ARID5B: variants seen among roughly 807,000 people sequenced by gnomAD.
The protein encoded by ARID5B is AT-rich interaction domain 5B.
ARID5B carries 13 observed loss-of-function variants against 97.2 expected under a neutral mutation model. That is an observed-to-expected ratio of 0.13 (90% CI 0.09 to 0.21). The LOEUF (loss-of-function observed/expected upper bound fraction) is 0.21, where lower values mean the gene tolerates loss of function less well. ARID5B is among the 10% of genes least tolerant of loss of function. ARID5B has a pLI of 1.00. For synonymous variants in ARID5B, 556 were observed against 570.3 expected, an observed-to-expected ratio of 0.97 and a Z score of 0.36; for missense variants, 1,210 against 1,465.3, an observed-to-expected ratio of 0.83 and a Z score of 2.84.
At chr10:62,026,243 A>T (rs1839419532) in intron 4 of ARID5B, among the ~76,000 whole-genome samples, 1 of 152,248 alleles carries the variant, frequency 6.6e-6, no homozygotes, top group Non-Finnish European at 1.5e-5. Context: ...CTCTTCCATC[A>T]TCCTGAGAGC....
intron 8 of ARID5B, among the ~76,000 whole-genome samples, chr10:62,083,567 G>T (rs1277189808): frequency 6.6e-6 from 1 of 152,112 alleles, no homozygotes. Flanking sequence ...GTCCCTCGTG[G>T]TGTCACCATC....
intron 2 of ARID5B, among the ~76,000 whole-genome samples, chr10:61,916,893 G>C (rs973204129): frequency 3.3e-5 from 5 of 152,182 alleles, no homozygotes; most frequent in African/African-American, 1.2e-4. Flanking sequence ...ACAGGTGTAA[G>C]TGCCCTCTGG....
intron 7 of ARID5B, among the ~76,000 whole-genome samples, chr10:62,064,461 T>C (rs1002816733): frequency 2.0e-5 from 3 of 152,240 alleles, no homozygotes; most frequent in African/African-American, 7.2e-5. Context: ...AGTTTAAGTC[T>C]GAAAGATTTC....
chr10:61,904,105 C>G (rs986373444), intron 2 of ARID5B, among the ~76,000 whole-genome samples: 2 of 149,826 alleles, frequency 1.3e-5, no homozygotes, highest in Non-Finnish European at 3.0e-5. Flanking sequence ...CCCTCTCCCC[C>G]TCCTGATTTC....
At chr10:61,930,281 T>G (rs1313419848) in intron 2 of ARID5B, among the ~76,000 whole-genome samples, 2 of 152,228 alleles carry the variant, frequency 1.3e-5, no homozygotes, top group Non-Finnish European at 2.9e-5. Context: ...CTCTTGCATA[T>G]GTACACATCT....
At chr10:61,950,955 T>C (rs182009914) in intron 3 of ARID5B, among the ~76,000 whole-genome samples, 49 of 152,344 alleles carry the variant, frequency 3.2e-4, no homozygotes, top group African/African-American at 1.1e-3. Flanking sequence ...TGTGAGCAGG[T>C]ATCTGATTTG....
chr10:62,032,475 TG>T (rs763499589), intron 4 of ARID5B, among the ~76,000 whole-genome samples: 13 of 152,194 alleles, frequency 8.5e-5, no homozygotes, highest in Non-Finnish European at 1.5e-4. Flanking sequence ...TCCAGCATTT[TG>T]GGAGGCTGAG....
At chr10:61,998,309 A>G (rs892414059) in intron 3 of ARID5B, among the ~76,000 whole-genome samples, 2 of 152,200 alleles carry the variant, frequency 1.3e-5, no homozygotes, top group Admixed American at 6.5e-5. Flanking sequence ...TAATGTCGGT[A>G]TCCTTAACAA....
chr10:62,028,799 A>G (rs1839455566), intron 4 of ARID5B, among the ~76,000 whole-genome samples: 1 of 152,064 alleles, frequency 6.6e-6, no homozygotes, highest in South Asian at 2.1e-4. Flanking sequence ...TGTCTCTACT[A>G]AAAATACAAA....
At chr10:62,036,056 C>G (rs1839559641) in intron 4 of ARID5B, among the ~76,000 whole-genome samples, 1 of 151,998 alleles carries the variant, frequency 6.6e-6, no homozygotes, top group Non-Finnish European at 1.5e-5. Flanking sequence ...AACTCCTGAC[C>G]TGAGGTGATC....
chr10:61,916,144 C>T (rs531511797), intron 2 of ARID5B, among the ~76,000 whole-genome samples: 2 of 152,340 alleles, frequency 1.3e-5, no homozygotes, highest in Admixed American at 6.5e-5. Context: ...ACCTCTGTTG[C>T]CCAGGTTCAA....
chr10:61,954,509 TA>T (rs1346176512), intron 3 of ARID5B, among the ~76,000 whole-genome samples: 8 of 152,356 alleles, frequency 5.3e-5, no homozygotes, highest in African/African-American at 1.9e-4. Flanking sequence ...GCTAGTTGGC[TA>T]GAAAATTTCG....
At chr10:61,930,812 G>A (rs754977270) in intron 2 of ARID5B, among the ~76,000 whole-genome samples, 1 of 152,082 alleles carries the variant, frequency 6.6e-6, no homozygotes, top group Non-Finnish European at 1.5e-5. Context: ...GTGTGAAAAG[G>A]TATCATCTAT....
intron 4 of ARID5B, among the ~76,000 whole-genome samples, chr10:62,042,015 G>A (rs1017602030): frequency 4.6e-5 from 7 of 152,128 alleles, no homozygotes; most frequent in Non-Finnish European, 1.0e-4. Flanking sequence ...AACTCTCTTT[G>A]TTTAAGAGGT....
intron 3 of ARID5B, among the ~76,000 whole-genome samples, chr10:61,952,149 T>A (rs1838332219): frequency 6.6e-6 from 1 of 152,202 alleles, no homozygotes; most frequent in Admixed American, 6.5e-5. Flanking sequence ...CTAGTCTAAC[T>A]GCCTGGTTTT....
intron 2 of ARID5B, among the ~76,000 whole-genome samples, chr10:61,908,799 C>CAAAAAAAAAAAAA (rs369792859): frequency 2.0e-4 from 10 of 50,978 alleles, no homozygotes; most frequent in Admixed American, 2.6e-4. Context: ...GACTCCATCT[C>CAAAAAAAAAAAAA]AAAAAAAAAA....
intron 3 of ARID5B, among the ~76,000 whole-genome samples, chr10:61,943,267 A>T (rs548704586): frequency 6.6e-6 from 1 of 152,196 alleles, no homozygotes; most frequent in African/African-American, 2.4e-5. Flanking sequence ...CTCTTCTATA[A>T]CATCAAAATA....
intron 3 of ARID5B, among the ~76,000 whole-genome samples, chr10:61,948,055 C>G (rs1207316018): frequency 6.6e-6 from 1 of 152,104 alleles, no homozygotes; most frequent in East Asian, 1.9e-4. Flanking sequence ...GGAATTTATT[C>G]CTACTTTTCC....
At position 62,093,649 on chromosome 10, in the gene ARID5B, GTCTTTT is replaced by G. The variant is rs1840419854; in HGVS notation, c.*621_*626del. On this transcript the variant is annotated 3_prime_UTR_variant, in exon 10 of 10. Transcript: ENST00000279873. ...TTCCATTTTCTCCCAGTTCCTTCTC[GTCTTTT>G]TTTTTTTTTTTTTTTTTTTTTTTAT... The G allele has an allele frequency of 6.0e-6, 1 of 167,210 alleles. No homozygotes were observed. The highest frequency in any genetic ancestry group is 3.7e-5 in the African/African-American group (1 of 26,802). The allele number at this position is 167,210 out of a possible 1,614,324, so 10.4% of individuals were successfully genotyped here. A position where few individuals can be genotyped will look rare whatever the true frequency, so the allele number is the denominator to read the frequency against.
Sources: allele counts gnomAD v4.1 joint callset (sites outside exome capture counted in the v4.1 genomes callset), GRCh38; gene constraint gnomAD v4.1.1; transcripts MANE v1.5; gene names NCBI Gene and HGNC (gene_info 2026-07-23, HGNC 2026-07-21).